The following BMPR1A variants were observed in gnomAD, a reference collection of about 807,000 sequenced individuals.
BMPR1A encodes the protein bone morphogenetic protein receptor type-1A.
BMPR1A carries 7 observed loss-of-function variants against 66.0 expected under a neutral mutation model. The ratio of observed to expected loss-of-function variants is 0.11; its 90% CI spans 0.06 to 0.20. BMPR1A has a LOEUF of 0.20. Ranked by LOEUF, BMPR1A falls within the 10% of genes least tolerant of loss-of-function variation. The pLI, the probability that BMPR1A is intolerant of heterozygous loss-of-function variation, is 1.00. For missense variants in BMPR1A, 408 were observed against 669.1 expected (o/e 0.61, Z 4.31); for synonymous variants, 200 against 229.7 (o/e 0.87, Z 1.17).
At chr10:86,884,056 G>A (rs755373477) in intron 3 of BMPR1A, among the ~76,000 whole-genome samples, 6 of 151,722 alleles carry the variant, frequency 4.0e-5, no homozygotes, top group Non-Finnish European at 4.4e-5. Context: ...TGTATTTTTA[G>A]TAGGGTTTCG....
intron 1 of BMPR1A, among the ~76,000 whole-genome samples, chr10:86,802,027 T>G (rs953608880): frequency 6.6e-6 from 1 of 152,144 alleles, no homozygotes; most frequent in Non-Finnish European, 1.5e-5. Flanking sequence ...GCCTGATTCT[T>G]ATTCTCTTGT....
At chr10:86,905,232 C>T (rs1843368944) in intron 7 of BMPR1A, among the ~76,000 whole-genome samples, 1 of 152,206 alleles carries the variant, frequency 6.6e-6, no homozygotes, top group Non-Finnish European at 1.5e-5. Context: ...TTATCTGGAA[C>T]CATGGCCTCC....
chr10:86,884,042 T>G (rs1247810446), intron 3 of BMPR1A, among the ~76,000 whole-genome samples: 1 of 151,730 alleles, frequency 6.6e-6, no homozygotes, highest in African/African-American at 2.4e-5. Context: ...ACTCGGCTAA[T>G]TTTTGTATTT....
intron 2 of BMPR1A, among the ~76,000 whole-genome samples, chr10:86,874,793 T>TGGCTCACTGCAACCTC (rs1244777464): frequency 6.9e-6 from 1 of 144,510 alleles, no homozygotes; most frequent in Non-Finnish European, 1.5e-5. Flanking sequence ...TCTGCAATCT[T>TGGCTCACTGCAACCTC]GGCTCACTGC....
At chr10:86,775,767 T>C (rs535074072) in intron 1 of BMPR1A, among the ~76,000 whole-genome samples, 4 of 152,290 alleles carry the variant, frequency 2.6e-5, no homozygotes, top group African/African-American at 9.6e-5. Flanking sequence ...TGTTTCCTTT[T>C]CCTTGGTAAC....
intron 1 of BMPR1A, among the ~76,000 whole-genome samples, chr10:86,782,588 C>A (rs940697478): frequency 6.6e-6 from 1 of 151,748 alleles, no homozygotes; most frequent in Admixed American, 6.6e-5. Flanking sequence ...TGAGTTTTGC[C>A]GATGATTAGT....
intron 2 of BMPR1A, chr10:86,856,166 A>G (rs1035062860): frequency 5.7e-6 from 3 of 529,400 alleles, no homozygotes; most frequent in African/African-American, 1.9e-5. Flanking sequence ...GACATAAAGG[A>G]TAACCACAGA....
In BMPR1A at chr10:86,925,362, A is replaced by G; in HGVS notation, c.*1643A>G. ...TCATCATCAAAAAGGTTTAAATTAA[A>G]TGGGAGGAAATCAGCATATGTCCAC... On this transcript the variant is annotated 3_prime_UTR_variant, in exon 13 of 13. Coordinates refer to ENST00000372037, the MANE Select transcript of BMPR1A (RefSeq NM_004329.3). 9.1e-6 allele frequency: 2 copies of G among 220,120 alleles called. No homozygotes were observed. The highest frequency in any genetic ancestry group is 1.8e-5 in the Non-Finnish European group (2 of 109,968). The allele number at this position is 220,120 out of a possible 1,614,324, so 13.6% of individuals were successfully genotyped here. A position where few individuals can be genotyped will look rare whatever the true frequency, so the allele number is the denominator to read the frequency against.
chr10:86,790,222 T>TATAAAA lies in BMPR1A; in HGVS notation c.-268+33306_-268+33307insAAAATA, dbSNP rs1260479326. 2.1e-3 allele frequency among the ~76,000 whole-genome samples: 122 copies of TATAAAA among 57,126 alleles called. 4 individuals carry two copies. Among genetic ancestry groups the TATAAAA allele is most frequent in the African/African-American group, 7.4e-3 (121 of 16,256 alleles). The allele number at this position is 57,126 out of a possible 152,430, so 37.5% of individuals were successfully genotyped here. ...ATATATATATATATATATATATATATATATATATATATATCAAAACCACAA... is the reference window on the plus strand; with the variant it reads ...ATATATATATATATATATATATATATATAAAAATATATATATATATCAAAACCACAA... On this transcript the variant is annotated intron_variant, in intron 1 of 12. Transcript: ENST00000372037.
intron 1 of BMPR1A, among the ~76,000 whole-genome samples, chr10:86,803,490 G>A (rs1841841828): frequency 6.6e-6 from 1 of 152,042 alleles, no homozygotes; most frequent in South Asian, 2.1e-4. Context: ...TTCTTTTATA[G>A]TTTTACATTT....
At chr10:86,861,735 C>T (rs944371979) in intron 2 of BMPR1A, among the ~76,000 whole-genome samples, 1 of 152,198 alleles carries the variant, frequency 6.6e-6, no homozygotes, top group Non-Finnish European at 1.5e-5. Context: ...CTTTCTTAAG[C>T]CCTTTTAATT....
chr10:86,900,149 G>GCAAAATATTTGA, intron 7 of BMPR1A, 23 bp downstream of exon 7: 1 of 1,606,792 alleles, frequency 6.2e-7, no homozygotes, highest in Non-Finnish European at 8.5e-7. Context: ...TTATTTTGAA[G>GCAAAATATTTGA]CAAAATATTT....
chr10:86,812,900 A>G (rs952820512), intron 1 of BMPR1A, among the ~76,000 whole-genome samples: 2 of 152,208 alleles, frequency 1.3e-5, no homozygotes, highest in Admixed American at 6.6e-5. Flanking sequence ...AGTGATGTCT[A>G]TTCACCATTA....
chr10:86,898,402 G>T (rs1843259967), intron 5 of BMPR1A, among the ~76,000 whole-genome samples: 2 of 152,028 alleles, frequency 1.3e-5, no homozygotes, highest in African/African-American at 4.8e-5. Flanking sequence ...TCTTACAAGG[G>T]CTTTCATCTT....
chr10:86,881,792 A>G (rs1468425814), intron 3 of BMPR1A, among the ~76,000 whole-genome samples: 1 of 152,236 alleles, frequency 6.6e-6, no homozygotes, highest in Non-Finnish European at 1.5e-5. Flanking sequence ...TGGTAGATTA[A>G]GAGACTTGGA....
intron 7 of BMPR1A, among the ~76,000 whole-genome samples, chr10:86,901,000 C>A (rs949092166): frequency 1.3e-5 from 2 of 152,242 alleles, no homozygotes; most frequent in African/African-American, 4.8e-5. Context: ...GCAAAAGTGA[C>A]TTCCAAGTCT....
At chr10:86,852,460 G>A (rs1842583942) in intron 2 of BMPR1A, among the ~76,000 whole-genome samples, 1 of 152,080 alleles carries the variant, frequency 6.6e-6, no homozygotes, top group African/African-American at 2.4e-5. Flanking sequence ...CCCCTACTCA[G>A]AAAGCTGAGA....
chr10:86,823,024 A>T (rs1196139856), intron 1 of BMPR1A, among the ~76,000 whole-genome samples: 1 of 152,232 alleles, frequency 6.6e-6, no homozygotes, highest in Non-Finnish European at 1.5e-5. Context: ...AATGTATAGA[A>T]TTTAGCACAG....
At position 86,927,956 on chromosome 10, in the gene BMPR1A, C is replaced by T. The variant is rs1214357418; in HGVS notation, c.*4237C>T. On this transcript the variant is annotated 3_prime_UTR_variant, in exon 13 of 13. Transcript: ENST00000372037. ...AATGTATCATTTTGAAGTAAATAAC[C>T]TTATTTTAGTATACTTTAGTGATGT... The T allele has an allele frequency of 1.1e-5, 2 of 180,890 alleles. No homozygotes were observed. Among genetic ancestry groups the T allele is most frequent in the Non-Finnish European group, 2.4e-5 (2 of 84,824 alleles). The allele number at this position is 180,890 out of a possible 1,614,324, so 11.2% of individuals were successfully genotyped here.
Sources: allele counts gnomAD v4.1 joint callset (sites outside exome capture counted in the v4.1 genomes callset), GRCh38; gene constraint gnomAD v4.1.1; transcripts MANE v1.5; gene names NCBI Gene and HGNC (gene_info 2026-07-23, HGNC 2026-07-21).